PLCB1: variants seen among roughly 807,000 people sequenced by gnomAD.
PLCB1 encodes phospholipase C beta 1, also known as 1-phosphatidylinositol 4,5-bisphosphate phosphodiesterase beta-1.
PLCB1 carries 46 observed loss-of-function variants against 161.8 expected under a neutral mutation model. The ratio of observed to expected loss-of-function variants is 0.28; its 90% CI spans 0.22 to 0.36. The LOEUF (loss-of-function observed/expected upper bound fraction) is 0.36. Among genes scored for constraint, PLCB1 ranks in the 10% least tolerant of loss-of-function variants. The probability of loss-of-function intolerance (pLI) is 1.00; values close to 1 mark genes in which losing one functional copy is unlikely to be tolerated. For missense variants in PLCB1, 1,016 were observed against 1,472.5 expected, an observed-to-expected ratio of 0.69 and a Z score of 5.07; for synonymous variants, 517 against 503.7, an observed-to-expected ratio of 1.03 and a Z score of -0.35.
At chr20:8,529,055 A>G (rs952394545) in intron 3 of PLCB1, among the ~76,000 whole-genome samples, 6 of 149,934 alleles carry the variant, frequency 4.0e-5, no homozygotes, top group African/African-American at 1.5e-4. Context: ...GATGTTTATC[A>G]TATATCAAAA....
At chr20:8,775,262 T>C (rs2146204630) in intron 27 of PLCB1, among the ~76,000 whole-genome samples, 1 of 152,320 alleles carries the variant, frequency 6.6e-6, no homozygotes, top group South Asian at 2.1e-4. Flanking sequence ...AGTTTTATTT[T>C]CCAAAATGTT....
At chr20:8,609,957 T>C (rs73595558) in intron 3 of PLCB1, among the ~76,000 whole-genome samples, 7,758 of 151,786 alleles carry the variant, frequency 0.051, 403 homozygotes, top group African/African-American at 0.13. Flanking sequence ...GTTTTTAGTA[T>C]ATTTAGTATA....
At chr20:8,308,685 A>C (rs1473010607) in intron 2 of PLCB1, among the ~76,000 whole-genome samples, 1 of 151,814 alleles carries the variant, frequency 6.6e-6, no homozygotes. Context: ...GAAAACTGAA[A>C]TACATGGAGG....
chr20:8,811,552 A>G (rs1036117837), intron 31 of PLCB1, among the ~76,000 whole-genome samples: 2 of 152,190 alleles, frequency 1.3e-5, no homozygotes, highest in Non-Finnish European at 2.9e-5. Flanking sequence ...AATGGTTGGC[A>G]GAGTGGTTTT....
At chr20:8,245,029 C>G (rs1283288503) in intron 2 of PLCB1, among the ~76,000 whole-genome samples, 1 of 151,386 alleles carries the variant, frequency 6.6e-6, no homozygotes, top group East Asian at 1.9e-4. Context: ...TATATCATAT[C>G]CAATTAGATA....
At chr20:8,391,223 C>A (rs1315005049) in intron 3 of PLCB1, among the ~76,000 whole-genome samples, 2 of 151,164 alleles carry the variant, frequency 1.3e-5, no homozygotes, top group Non-Finnish European at 3.0e-5. Flanking sequence ...GCATTTAAAC[C>A]TACTGATTAA....
chr20:8,374,647 T>C (rs1987016757), intron 3 of PLCB1, among the ~76,000 whole-genome samples: 2 of 152,164 alleles, frequency 1.3e-5, no homozygotes, highest in Non-Finnish European at 2.9e-5. Flanking sequence ...AACTAGACCA[T>C]TGAGTTGGTT....
At position 8,649,446 on chromosome 20, in the gene PLCB1, A is replaced by C. The variant is rs919019173; in HGVS notation, c.591A>C (p.Ser197=). ...TAGAGGCTTGTAGTCTTCCATCTTC[A>C]AGGGTGAGCATGTGTGTTATGCTAT... is the stretch of plus-strand genomic sequence containing the variant. ...TALEACSLPS[S]RNDSIPQEDF... The change falls in exon 7 of 32, where the codon TCA becomes TCC. Residue 197 remains serine, a synonymous_variant. Transcript: ENST00000338037. 2.5e-6 allele frequency: 4 copies of C among 1,606,886 alleles called. No homozygotes were observed. Among genetic ancestry groups the C allele is most frequent in the Non-Finnish European group, 3.4e-6 (4 of 1,173,630 alleles).
chr20:8,668,938 A>G (rs1271519944), intron 9 of PLCB1, among the ~76,000 whole-genome samples: 2 of 152,244 alleles, frequency 1.3e-5, no homozygotes, highest in Non-Finnish European at 2.9e-5. Flanking sequence ...ATGCTTATTG[A>G]ACGCATTTCT....
intron 3 of PLCB1, among the ~76,000 whole-genome samples, chr20:8,387,977 T>TTTAA (rs1555802978): frequency 5.5e-5 from 7 of 126,782 alleles, no homozygotes; most frequent in East Asian, 2.2e-4. Context: ...CCACTTTTTT[T>TTTAA]AAAAAAAAAA....
intron 2 of PLCB1, among the ~76,000 whole-genome samples, chr20:8,268,991 G>A (rs1982130861): frequency 6.6e-6 from 1 of 152,134 alleles, no homozygotes; most frequent in Non-Finnish European, 1.5e-5. Context: ...TGGAGGAAGG[G>A]ACATCAACTT....
intron 11 of PLCB1, among the ~76,000 whole-genome samples, chr20:8,699,465 A>C (rs927434699): frequency 7.9e-5 from 12 of 151,914 alleles, no homozygotes; most frequent in Non-Finnish European, 1.3e-4. Flanking sequence ...AGAGGTAAAA[A>C]CTCTTTTGGC....
At chr20:8,871,844 A>G (rs899191685) in intron 31 of PLCB1, among the ~76,000 whole-genome samples, 2 of 152,206 alleles carry the variant, frequency 1.3e-5, no homozygotes, top group Non-Finnish European at 2.9e-5. Flanking sequence ...AGGTTACACA[A>G]TATTAATTAA....
At chr20:8,677,899 A>G (rs1990125972) in intron 9 of PLCB1, among the ~76,000 whole-genome samples, 1 of 152,216 alleles carries the variant, frequency 6.6e-6, no homozygotes, top group African/African-American at 2.4e-5. Flanking sequence ...ACTAAAATTA[A>G]AAAATTAACA....
At chr20:8,557,060 G>A (rs868435204) in intron 3 of PLCB1, among the ~76,000 whole-genome samples, 7 of 151,492 alleles carry the variant, frequency 4.6e-5, no homozygotes, top group South Asian at 2.1e-4. Flanking sequence ...AAGTGTTGGT[G>A]AAGATGAGGG....
In PLCB1 at chr20:8,159,380, G is replaced by A. The variant is rs2051597040; in HGVS notation, c.177+9009G>A. ...AGTCCCTAGGCTACACACAGCACAG[G>A]GACCCTTGTTCCAACCCACAAAACC... On this transcript the variant is annotated intron_variant, in intron 2 of 31. Coordinates refer to ENST00000338037, the MANE Select transcript of PLCB1 (RefSeq NM_015192.4). 2.6e-5 allele frequency among the ~76,000 whole-genome samples: 4 copies of A among 152,070 alleles called. No homozygotes were observed. In the South Asian group the frequency reaches 8.3e-4, roughly 32 times the overall value.
intron 2 of PLCB1, among the ~76,000 whole-genome samples, chr20:8,170,589 T>C (rs2051723442): frequency 1.3e-5 from 2 of 152,176 alleles, no homozygotes; most frequent in South Asian, 4.1e-4. Flanking sequence ...TGCTGAACCT[T>C]ATTTGGTTTC....
intron 9 of PLCB1, among the ~76,000 whole-genome samples, chr20:8,678,824 T>A (rs1451898278): frequency 2.0e-5 from 3 of 152,178 alleles, no homozygotes; most frequent in Admixed American, 2.0e-4. Context: ...CAAAATGAAT[T>A]GCTTCTTTCA....
At chr20:8,474,448 C>T (rs933225638) in intron 3 of PLCB1, among the ~76,000 whole-genome samples, 17 of 151,700 alleles carry the variant, frequency 1.1e-4, no homozygotes, top group African/African-American at 4.1e-4. Context: ...GTGTAGGGAA[C>T]AGCAGGGGCA....
Sources: gnomAD v4.1 joint callset for allele counts (sites outside exome capture counted in the v4.1 genomes callset) on GRCh38, gnomAD v4.1.1 for gene constraint, MANE v1.5 for transcripts, NCBI Gene and HGNC (gene_info 2026-07-23, HGNC 2026-07-21) for gene names.